The following PCDHA1 variants were observed in gnomAD, a reference collection of about 807,000 sequenced individuals.
PCDHA1 encodes protocadherin alpha 1.
Under a neutral mutation model 61.3 loss-of-function variants are expected in PCDHA1, and 42 were observed. That is an observed-to-expected ratio of 0.69 (90% CI 0.54 to 0.89). The LOEUF is 0.89. Ranked by LOEUF, PCDHA1 falls within the 40% of genes least tolerant of loss-of-function variation. PCDHA1 has a pLI of 0.00. For synonymous variants in PCDHA1, 610 were observed against 553.8 expected (o/e 1.10, Z -1.43); for missense variants, 1,256 against 1,235.3 (o/e 1.02, Z -0.25).
At chr5:140,870,219 CG>C in intron 1 of PCDHA1, 1 of 1,614,152 alleles carries the variant, frequency 6.2e-7, no homozygotes. Flanking sequence ...CCCTGATCAG[CG>C]TGTCTGACCG....
At chr5:140,881,940 G>A (rs1273995753) in intron 1 of PCDHA1, 1 of 295,968 alleles carries the variant, frequency 3.4e-6, no homozygotes, top group Non-Finnish European at 6.2e-6. Flanking sequence ...TGCTGTTTCT[G>A]GGAAGGTAAA....
chr5:140,955,557 C>T (rs1281978824), intron 1 of PCDHA1, among the ~76,000 whole-genome samples: 1 of 152,114 alleles, frequency 6.6e-6, no homozygotes, highest in East Asian at 1.9e-4. Flanking sequence ...GCCTCCCCAG[C>T]CATACTGAAC....
chr5:140,788,647 A>G lies in PCDHA1; in HGVS notation c.2357A>G (p.Asn786Ser), dbSNP rs1333691049. Residue 786 changes from asparagine (N) to serine (S), a missense_variant, in exon 1 of 4, where the codon AAT becomes AGT. Coordinates refer to ENST00000504120, the MANE Select transcript of PCDHA1 (RefSeq NM_018900.4). Reference sequence around the variant, plus strand: ...CCAAGTCTTAACACGTCAGAAAGAAATGAACAACCAGAAGCAAATTTGGAT... The same window carrying G: ...CCAAGTCTTAACACGTCAGAAAGAAGTGAACAACCAGAAGCAAATTTGGAT... ...LSPSLNTSER[N>S]EQPEANLDLS... The G allele has an allele frequency of 1.3e-6, 2 of 1,590,578 alleles. No homozygotes were observed. The highest frequency in any genetic ancestry group is 1.3e-5 in the African/African-American group (1 of 74,140).
In PCDHA1 at chr5:140,786,541, T is replaced by C; in HGVS notation, c.251T>C (p.Leu84Ser). ...LLEVNLQNGI[L>S]FVNSRIDREE... The stretch of plus-strand genomic sequence containing the variant: ...GAGGTAAATCTGCAGAATGGCATTT[T>C]GTTTGTGAATTCTCGGATCGATCGC... The change falls in exon 1 of 4, where the codon TTG (leucine) becomes TCG (serine). Residue 84 changes from leucine to serine, a missense_variant. Leu to Ser is a moderately radical substitution (Grantham distance 145). Coordinates refer to ENST00000504120, the MANE Select transcript of PCDHA1 (RefSeq NM_018900.4). 1 of 1,614,194 alleles carries C rather than the reference T, an allele frequency of 6.2e-7. No homozygotes were observed. Among genetic ancestry groups the C allele is most frequent in the African/African-American group, 1.3e-5 (1 of 75,058 alleles).
Position 140,823,723 on chromosome 5 carries a change from G to A in PCDHA1, c.2394+35039G>A, listed in dbSNP as rs140011920. 3 of 1,613,814 alleles carry A rather than the reference G, an allele frequency of 1.9e-6. No individual in the cohort carries two copies. In the African/African-American group the frequency reaches 4.0e-5, roughly 22 times the overall value. ...ACCGCGCCACCGCCTTCTGGTGCTG[G>A]TGAAGGACCATGGAGAGCCCCCGCT... On this transcript the variant is annotated intron_variant, in intron 1 of 3. Coordinates refer to ENST00000504120, the MANE Select transcript of PCDHA1 (RefSeq NM_018900.4).
intron 1 of PCDHA1, among the ~76,000 whole-genome samples, chr5:140,846,785 T>C (rs1780675366): frequency 6.7e-6 from 1 of 149,494 alleles, no homozygotes; most frequent in South Asian, 2.1e-4. Flanking sequence ...GAATTATTAC[T>C]GAGCCCCAGC....
intron 1 of PCDHA1, chr5:140,803,792 C>A (rs1198060359): frequency 6.1e-6 from 5 of 824,766 alleles, no homozygotes; most frequent in Non-Finnish European, 7.4e-6. Context: ...GTTATGATAT[C>A]CACACTTGTA....
At chr5:140,800,123 T>C (rs1762509248) in intron 1 of PCDHA1, among the ~76,000 whole-genome samples, 1 of 152,156 alleles carries the variant, frequency 6.6e-6, no homozygotes, top group Non-Finnish European at 1.5e-5. Context: ...GTAATTACTT[T>C]ATATTGTTAA....
chr5:140,825,862 G>C (rs2150141609), intron 1 of PCDHA1: 43 of 152,470 alleles, frequency 2.8e-4, no homozygotes, highest in African/African-American at 8.4e-4. Context: ...CTCCCCTCTT[G>C]AGTTGTTTAC....
intron 1 of PCDHA1, among the ~76,000 whole-genome samples, chr5:140,838,078 G>T (rs1414212899): frequency 5.1e-3 from 32 of 6,318 alleles, no homozygotes; most frequent in East Asian, 4.1e-3. Context: ...TATATATATA[G>T]TGTGTGTGTG....
rs2150459394 is a variant in PCDHA1 at position 140,849,947 on chromosome 5, G to A, written c.2394+61263G>A. ...CGGTGTCTGCGCGGGACGCTGACGC[G>A]CAGGAGAACGCCCTGGTGTCCTACT... On this transcript the variant is annotated intron_variant, in intron 1 of 3. Transcript: ENST00000504120. 23 of 1,597,838 alleles carry A rather than the reference G, an allele frequency of 1.4e-5. 5 individuals carry two copies. The highest frequency in any genetic ancestry group is 3.3e-5 in the South Asian group (3 of 90,532).
intron 1 of PCDHA1, chr5:140,883,878 C>T: frequency 1.9e-6 from 3 of 1,613,260 alleles, no homozygotes; most frequent in Middle Eastern, 1.7e-4. Context: ...CAGGTGAGCG[C>T]GCGCGACTCT....
chr5:140,988,204 AG>A (rs2097287084), intron 3 of PCDHA1, among the ~76,000 whole-genome samples: 1 of 152,100 alleles, frequency 6.6e-6, no homozygotes, highest in South Asian at 2.1e-4. Context: ...TATCCTTATT[AG>A]GAAAAAAAAA....
chr5:140,808,183 C>A (rs782261316), intron 1 of PCDHA1: 1 of 1,614,172 alleles, frequency 6.2e-7, no homozygotes, highest in Non-Finnish European at 8.5e-7. Context: ...CACTTTCTGG[C>A]CATTGTAGAG....
intron 1 of PCDHA1, chr5:140,869,166 C>A: frequency 6.2e-7 from 1 of 1,613,866 alleles, no homozygotes; most frequent in South Asian, 1.1e-5. Context: ...TTCTCCTCCT[C>A]GAATTCTGGG....
In PCDHA1 at chr5:140,911,678, G is replaced by A. The variant is rs551063911; in HGVS notation, c.2395-67271G>A. ...CTAAACTCCTTGCCTCTCACGAACCGTGCATCAGGAGTGTCAAATGAATTT... is the reference window on the plus strand; with the variant it reads ...CTAAACTCCTTGCCTCTCACGAACCATGCATCAGGAGTGTCAAATGAATTT... On this transcript the variant is annotated intron_variant, in intron 1 of 3. Coordinates refer to ENST00000504120, the MANE Select transcript of PCDHA1 (RefSeq NM_018900.4). Among the ~76,000 whole-genome samples the A allele has an allele frequency of 7.9e-5, 12 of 152,234 alleles. No homozygotes were observed. The South Asian group carries it at 1.2e-3, about 16-fold the overall frequency.
At position 140,926,291 on chromosome 5, in the gene PCDHA1, G is replaced by A. The variant is rs545188065; in HGVS notation, c.2395-52658G>A. 3.9e-5 allele frequency: 6 copies of A among 152,438 alleles called. No individual in the cohort carries two copies. The South Asian group carries it at 1.0e-3, about 26-fold the overall frequency. 9.4% of individuals were successfully genotyped at this position (152,438 alleles called of 1,614,324 possible). A position where few individuals can be genotyped will look rare whatever the true frequency, so the allele number is the denominator to read the frequency against. ...CCTCCGCTCGGCAGCTCCACGCTGA[G>A]TCCCGCCCTCTCCGCCGGAGAGGTG... On this transcript the variant is annotated intron_variant, in intron 1 of 3. Transcript: ENST00000504120.
chr5:140,899,909 G>A (rs1401600020), intron 1 of PCDHA1, among the ~76,000 whole-genome samples: 1 of 152,134 alleles, frequency 6.6e-6, no homozygotes, highest in Non-Finnish European at 1.5e-5. Flanking sequence ...CTGGGCTCAA[G>A]CAATCCTCCT....
intron 1 of PCDHA1, among the ~76,000 whole-genome samples, chr5:140,955,756 A>G (rs987029779): frequency 2.6e-5 from 4 of 152,182 alleles, no homozygotes; most frequent in African/African-American, 9.7e-5. Flanking sequence ...TATTGCCATA[A>G]CACTGATTCT....
Sources: allele counts gnomAD v4.1 joint callset (sites outside exome capture counted in the v4.1 genomes callset), GRCh38; gene constraint gnomAD v4.1.1; transcripts MANE v1.5; gene names NCBI Gene and HGNC (gene_info 2026-07-23, HGNC 2026-07-21).